The following LHX2 variants were observed in gnomAD, a reference collection of about 807,000 sequenced individuals.
LHX2 encodes LIM homeobox 2, also known as LIM/homeobox protein Lhx2.
Under a neutral mutation model 33.0 loss-of-function variants are expected in LHX2, and 6 were observed. That is an observed-to-expected ratio of 0.18 (90% CI 0.10 to 0.36). The LOEUF is 0.36. Among genes scored for constraint, LHX2 ranks in the 10% least tolerant of loss-of-function variants. The pLI, the probability that LHX2 is intolerant of heterozygous loss-of-function variation, is 1.00. For synonymous variants in LHX2, 292 were observed against 253.1 expected, an observed-to-expected ratio of 1.15 and a Z score of -1.46; for missense variants, 442 against 586.2, an observed-to-expected ratio of 0.75 and a Z score of 2.54.
At chr9:124,024,829 G>T (rs1415452639) in intron 4 of LHX2, among the ~76,000 whole-genome samples, 2 of 152,224 alleles carry the variant, frequency 1.3e-5, no homozygotes, top group Admixed American at 6.5e-5. Context: ...CTCACAGCTA[G>T]TAAGTGATGA....
In LHX2 at chr9:124,015,751, T is replaced by C. The variant is rs1284007911; in HGVS notation, c.727+226T>C. 6.6e-6 allele frequency among the ~76,000 whole-genome samples: 1 copy of C among 152,238 alleles called. No homozygotes were observed. The highest frequency in any genetic ancestry group is 1.5e-5 in the Non-Finnish European group (1 of 68,020). ...CCCTTGCTGCTCCGGGTGCAGGGCC[T>C]TGTCTCTGATAAATTGTTTTTTTGG... On this transcript the variant is annotated intron_variant, in intron 3 of 4. Transcript: ENST00000373615. The surrounding 1 kb of genome is among the most constrained non-coding windows in gnomAD (Gnocchi z 7.9).
At chr9:124,025,406 A>C (rs1828599375) in intron 4 of LHX2, among the ~76,000 whole-genome samples, 1 of 145,164 alleles carries the variant, frequency 6.9e-6, no homozygotes, top group Admixed American at 7.0e-5. Context: ...GCGCCACTGC[A>C]CTCCAGCCTG....
chr9:124,015,451 G>A lies in LHX2; in HGVS notation c.653G>A (p.Gly218Asp), dbSNP rs1158234741. The change falls in exon 3 of 5, where the codon GGC (glycine) becomes GAC (aspartate). Residue 218 changes from glycine to aspartate, a missense_variant. By Grantham distance (94) the Gly-to-Asp change is moderately conservative. This residue lies in a region of LHX2 where 132 missense variants were observed against 139.1 expected (regional missense o/e 0.95). Transcript: ENST00000373615. The surrounding 1 kb of genome is among the most constrained non-coding windows in gnomAD (Gnocchi z 7.9). Reference sequence around the variant, plus strand: ...GGTCTTCCCTACTACAATGGCGTGGGCACTGTGCAGAAGGGGCGGCCGAGG... The same window carrying A: ...GGTCTTCCCTACTACAATGGCGTGGACACTGTGCAGAAGGGGCGGCCGAGG... The part of the protein sequence containing the change: ...PLGLPYYNGV[G>D]TVQKGRPRKR... 3 of 1,561,664 alleles carry A rather than the reference G, an allele frequency of 1.9e-6. No homozygotes were observed. Among genetic ancestry groups the A allele is most frequent in the Non-Finnish European group, 2.6e-6 (3 of 1,155,500 alleles).
chr9:124,021,270 C>T lies in LHX2; in HGVS notation c.899C>T (p.Ala300Val). 2 of 1,613,990 alleles carry T rather than the reference C, an allele frequency of 1.2e-6. No individual in the cohort carries two copies. The highest frequency in any genetic ancestry group is 1.7e-6 in the Non-Finnish European group (2 of 1,180,046). Residue 300 changes from alanine (A) to valine (V), a missense_variant, in exon 4 of 5, where the codon GCG (alanine) becomes GTG (valine). Physicochemically the swap from Ala to Val is moderately conservative, Grantham distance 64 (BLOSUM62 0). Around this residue, in one of 5 missense-constraint regions of LHX2, gnomAD observed 32 missense variants for 95.3 expected, o/e 0.34. Coordinates refer to ENST00000373615, the MANE Select transcript of LHX2 (RefSeq NM_004789.4). ...NPDAKDLKQLAQKTGLTKRVL... is the reference protein window; with the variant it reads ...NPDAKDLKQLVQKTGLTKRVL... ...GACGCCAAGGACTTGAAGCAGCTCG[C>T]GCAAAAGACGGGCCTCACCAAGCGG...
rs932780141 is a variant in LHX2, at chr9:124,014,345, T to A, written c.323+182T>A. Among the ~76,000 whole-genome samples the A allele has an allele frequency of 6.6e-6, 1 of 150,916 alleles. No homozygotes were observed. The highest frequency in any genetic ancestry group is 1.5e-5 in the Non-Finnish European group (1 of 67,884). On this transcript the variant is annotated intron_variant, in intron 2 of 4. Transcript: ENST00000373615. The surrounding 1 kb of genome is among the most constrained non-coding windows in gnomAD (Gnocchi z 4.8). ...GGGTGATAACCTTTTAAAGCAGCAA[T>A]TTGGGGAGCTCTTGGAAAGGTCTAC...
chr9:124,032,668 T>C lies in LHX2; in HGVS notation c.1182T>C (p.Pro394=), dbSNP rs1328520685. The C allele has an allele frequency of 6.2e-7, 1 of 1,607,940 alleles. No individual in the cohort carries two copies. Among genetic ancestry groups the C allele is most frequent in the Admixed American group, 1.7e-5 (1 of 59,740 alleles). ...SVPGNLEGHE[P]HSPSQTTLTN... ...CTGGCAACCTGGAGGGCCATGAGCC[T>C]CACAGCCCCTCACAAACGACTCTTA... The change falls in exon 5 of 5, where the codon CCT becomes CCC. Residue 394 remains proline, a synonymous_variant. Transcript: ENST00000373615. This position sits in a 1 kb window ranked among gnomAD's most constrained non-coding sequence, Gnocchi z 4.1.
chr9:124,021,148 A>T lies in LHX2; in HGVS notation c.777A>T (p.Pro259=). The part of the protein sequence containing the change: ...NDAEHLDRDQ[P]YPSSQKTKRM... ...CAGAGCACCTGGACCGTGACCAGCC[A>T]TACCCGAGCAGCCAGAAGACCAAGC... Residue 259 remains proline (P), a synonymous_variant, in exon 4 of 5, where the codon CCA becomes CCT. Coordinates refer to ENST00000373615, the MANE Select transcript of LHX2 (RefSeq NM_004789.4). 6.2e-7 allele frequency: 1 copy of T among 1,614,214 alleles called. No homozygotes were observed. Among genetic ancestry groups the T allele is most frequent in the Non-Finnish European group, 8.5e-7 (1 of 1,180,040 alleles).
rs1859157988 is a variant in LHX2, at chr9:124,014,924, G to T, written c.324-198G>T. Among the ~76,000 whole-genome samples the T allele has an allele frequency of 6.6e-6, 1 of 152,152 alleles. No individual in the cohort carries two copies. The highest frequency in any genetic ancestry group is 1.5e-5 in the Non-Finnish European group (1 of 68,032). ...TAGAAGTCTCTGTAGGCATAAGTGT[G>T]TTAAGGGAAACTATTTTAGGACAGG... On this transcript the variant is annotated intron_variant, in intron 2 of 4. Coordinates refer to ENST00000373615, the MANE Select transcript of LHX2 (RefSeq NM_004789.4). The surrounding 1 kb of genome is among the most constrained non-coding windows in gnomAD (Gnocchi z 4.8).
rs370825161 is a variant in LHX2, at chr9:124,015,149, C to T, written c.351C>T (p.Arg117=). ...GCTTCTCTGTGCAGCGCTGCGCCCGCTGCCACCTGGGCATCTCGGCCTCGG... is the reference window on the plus strand; with the variant it reads ...GCTTCTCTGTGCAGCGCTGCGCCCGTTGCCACCTGGGCATCTCGGCCTCGG... ...YRRFSVQRCA[R]CHLGISASEM... is the part of the protein sequence containing the mutation. Residue 117 remains arginine, a synonymous_variant, in exon 3 of 5, where the codon CGC becomes CGT. Transcript: ENST00000373615. This position sits in a 1 kb window ranked among gnomAD's most constrained non-coding sequence, Gnocchi z 7.9. 39 of 1,613,698 alleles carry T rather than the reference C, an allele frequency of 2.4e-5. No homozygotes were observed. Among genetic ancestry groups the T allele is most frequent in the Non-Finnish European group, 3.0e-5 (35 of 1,180,050 alleles).
In LHX2 at chr9:124,014,701, CTCTCTG is replaced by C. The variant is rs1450026210; in HGVS notation, c.324-409_324-404del. Among the ~76,000 whole-genome samples, 1 of 152,178 alleles carries C rather than the reference CTCTCTG, an allele frequency of 6.6e-6. No homozygotes were observed. Among genetic ancestry groups the C allele is most frequent in the Non-Finnish European group, 1.5e-5 (1 of 68,038 alleles). On this transcript the variant is annotated intron_variant, in intron 2 of 4. Coordinates refer to ENST00000373615, the MANE Select transcript of LHX2 (RefSeq NM_004789.4). This position sits in a 1 kb window ranked among gnomAD's most constrained non-coding sequence, Gnocchi z 4.8. ...TTTAGGATTAGGGTCTATGTATATTCTCTCTGTCTCTGTCTCTACGTCTGTGTCTCT... is the reference window on the plus strand; with the variant it reads ...TTTAGGATTAGGGTCTATGTATATTCTCTCTGTCTCTACGTCTGTGTCTCT...
In LHX2 at chr9:124,032,653, G is replaced by A. The variant is rs140281616; in HGVS notation, c.1167G>A (p.Leu389=). ...TCTTAACTTCTGTGCCTGGCAACCT[G>A]GAGGGCCATGAGCCTCACAGCCCCT... ...TSVLTSVPGN[L]EGHEPHSPSQ... Residue 389 remains leucine, a synonymous_variant, in exon 5 of 5, where the codon CTG becomes CTA. Transcript: ENST00000373615. The surrounding 1 kb of genome is among the most constrained non-coding windows in gnomAD (Gnocchi z 4.1). The A allele has an allele frequency of 1.9e-6, 3 of 1,613,606 alleles. No homozygotes were observed. In the African/African-American group the frequency reaches 4.0e-5, roughly 22 times the overall value.
In LHX2 at chr9:124,012,304, C is replaced by G. The variant is rs1255002270; in HGVS notation, c.-45C>G. On this transcript the variant is annotated 5_prime_UTR_variant, in exon 1 of 5. Transcript: ENST00000373615. The surrounding 1 kb of genome is among the most constrained non-coding windows in gnomAD (Gnocchi z 4.3). ...AGGCAGCTGAGGCGGGGGGCAAGCC[C>G]TCCCTCGGAGGAGCCGCGCCCCCGG... 1.4e-6 allele frequency: 2 copies of G among 1,469,852 alleles called. No homozygotes were observed. The highest frequency in any genetic ancestry group is 9.0e-7 in the Non-Finnish European group (1 of 1,115,772). The allele number at this position is 1,469,852 out of a possible 1,614,324, so 91.1% of individuals were successfully genotyped here. A position where few individuals can be genotyped will look rare whatever the true frequency, so the allele number is the denominator to read the frequency against.
chr9:124,021,036 T>C, intron 3 of LHX2, 63 bp from the exon 4 acceptor site: 1 of 1,469,960 alleles, frequency 6.8e-7, no homozygotes, highest in Non-Finnish European at 9.5e-7. Flanking sequence ...GTGGGGCGAG[T>C]GTGGATTTGG....
Position 124,015,282 on chromosome 9 carries a change from C to T in LHX2, c.484C>T (p.Leu162=), listed in dbSNP as rs771127056. 4.3e-6 allele frequency: 7 copies of T among 1,614,150 alleles called. No homozygotes were observed. The South Asian group carries it at 6.6e-5, about 15-fold the overall frequency. The change falls in exon 3 of 5, where the codon CTG becomes TTG. Residue 162 remains leucine (L), a synonymous_variant. Coordinates refer to ENST00000373615, the MANE Select transcript of LHX2 (RefSeq NM_004789.4). This position sits in a 1 kb window ranked among gnomAD's most constrained non-coding sequence, Gnocchi z 7.9. ...TGDHFGMKDS[L]VYCRLHFEAL... ...CGACCACTTCGGCATGAAGGACAGC[C>T]TGGTCTACTGCCGCTTGCACTTCGA...
At chr9:124,031,319 A>C (rs953654470) in intron 4 of LHX2, among the ~76,000 whole-genome samples, 1 of 152,136 alleles carries the variant, frequency 6.6e-6, no homozygotes, top group African/African-American at 2.4e-5. Flanking sequence ...TTAGTAACTC[A>C]TTATTATTGC....
rs575007236 is a variant in LHX2 at position 124,012,261 on chromosome 9, G to A, written c.-88G>A. 8,823 of 1,299,200 alleles carry A rather than the reference G, an allele frequency of 6.8e-3. 53 individuals are homozygous for A. Among genetic ancestry groups the A allele is most frequent in the South Asian group, 0.011 (611 of 56,404 alleles). 80.5% of individuals were successfully genotyped at this position (1,299,200 alleles called of 1,614,324 possible). A position where few individuals can be genotyped will look rare whatever the true frequency, so the allele number is the denominator to read the frequency against. On this transcript the variant is annotated 5_prime_UTR_variant, in exon 1 of 5. Transcript: ENST00000373615. The surrounding 1 kb of genome is among the most constrained non-coding windows in gnomAD (Gnocchi z 4.3). ...GCCGCGGTGGCGATGCACCGGGCCC[G>A]TTAGCGCCAGGAGCGCCAGGCAGCT... is the stretch of plus-strand genomic sequence containing the variant.
chr9:124,015,558 G>C lies in LHX2; in HGVS notation c.727+33G>C, dbSNP rs1859174574. On this transcript the variant is annotated intron_variant, in intron 3 of 4. Coordinates refer to ENST00000373615, the MANE Select transcript of LHX2 (RefSeq NM_004789.4). This position sits in a 1 kb window ranked among gnomAD's most constrained non-coding sequence, Gnocchi z 7.9. Reference sequence around the variant, plus strand: ...CGCGGCGCACGAAGCGCCCCCATAGGGTTGGGGGAAAGTGTGCGGCCTCGA... The same window carrying C: ...CGCGGCGCACGAAGCGCCCCCATAGCGTTGGGGGAAAGTGTGCGGCCTCGA... 6.9e-7 allele frequency: 1 copy of C among 1,447,024 alleles called. No homozygotes were observed. The highest frequency in any genetic ancestry group is 9.1e-7 in the Non-Finnish European group (1 of 1,097,484). The allele number at this position is 1,447,024 out of a possible 1,614,324, so 89.6% of individuals were successfully genotyped here. A position where few individuals can be genotyped will look rare whatever the true frequency, so the allele number is the denominator to read the frequency against.
At chr9:124,020,358 C>G (rs1859271479) in intron 3 of LHX2, among the ~76,000 whole-genome samples, 1 of 152,186 alleles carries the variant, frequency 6.6e-6, no homozygotes, top group South Asian at 2.1e-4. Flanking sequence ...ATTTGCTCCA[C>G]TTGTTCACGG....
At chr9:124,019,316 C>T (rs1859251938) in intron 3 of LHX2, among the ~76,000 whole-genome samples, 4 of 152,154 alleles carry the variant, frequency 2.6e-5, no homozygotes, top group Non-Finnish European at 4.4e-5. Context: ...GGGCTCTTCC[C>T]CATCTGGGCA....
Sources: allele counts gnomAD v4.1 joint callset (sites outside exome capture counted in the v4.1 genomes callset), GRCh38; gene constraint gnomAD v4.1.1; regional missense constraint gnomAD v4.1.1; non-coding constraint Gnocchi (gnomAD v3.1); transcripts MANE v1.5; gene names NCBI Gene and HGNC (gene_info 2026-07-23, HGNC 2026-07-21).